The following RBM6 variants were observed in gnomAD, a reference collection of about 807,000 sequenced individuals.
RBM6 encodes RNA binding motif protein 6, also known as RNA-binding protein 6.
A neutral mutation model predicts 140.4 loss-of-function variants in RBM6; 23 were observed. The observed-to-expected ratio is 0.16, with a 90% CI of 0.12 to 0.23. The LOEUF (loss-of-function observed/expected upper bound fraction) is 0.23. Among genes scored for constraint, RBM6 ranks in the 10% least tolerant of loss-of-function variants. The pLI, the probability that RBM6 is intolerant of heterozygous loss-of-function variation, is 1.00. For synonymous variants in RBM6, 439 were observed against 475.6 expected (o/e 0.92, Z 1.00); for missense variants, 1,139 against 1,386.7 (o/e 0.82, Z 2.84).
At chr3:49,941,657 A>G (rs2083286779) in intron 1 of RBM6, among the ~76,000 whole-genome samples, 1 of 150,394 alleles carries the variant, frequency 6.6e-6, no homozygotes, top group Non-Finnish European at 1.5e-5. Flanking sequence ...AAAAAAAAAA[A>G]AAAAAAAAAA....
intron 6 of RBM6, among the ~76,000 whole-genome samples, chr3:50,034,397 C>T (rs932401148): frequency 2.0e-5 from 3 of 152,198 alleles, no homozygotes; most frequent in Non-Finnish European, 2.9e-5. Context: ...TTCTCACTCT[C>T]TTTTTGTCTC....
At chr3:50,020,058 AC>A (rs1372980862) in intron 6 of RBM6, among the ~76,000 whole-genome samples, 2 of 152,026 alleles carry the variant, frequency 1.3e-5, no homozygotes, top group African/African-American at 2.4e-5. Flanking sequence ...AGCTAGGACT[AC>A]AGGCACATAC....
intron 20 of RBM6, among the ~76,000 whole-genome samples, chr3:50,076,237 G>A (rs1371302800): frequency 6.6e-6 from 1 of 151,204 alleles, no homozygotes; most frequent in Non-Finnish European, 1.5e-5. Flanking sequence ...CCAAAGTGTT[G>A]GGATTACAGG....
At position 50,033,229 on chromosome 3, in the gene RBM6, A is replaced by G. The variant is rs976454542; in HGVS notation, c.1558-15016A>G. Reference sequence around the variant, plus strand: ...GGAGAAGTGCTTGAACCCGGGAGGCAGAGGTTGCAGTGAGCCAAGACTGTG... The same window carrying G: ...GGAGAAGTGCTTGAACCCGGGAGGCGGAGGTTGCAGTGAGCCAAGACTGTG... On this transcript the variant is annotated intron_variant, in intron 6 of 20. Coordinates refer to ENST00000266022, the MANE Select transcript of RBM6 (RefSeq NM_005777.3). Among the ~76,000 whole-genome samples, 10 of 152,054 alleles carry G rather than the reference A, an allele frequency of 6.6e-5. 1 individual carries two copies. Among genetic ancestry groups the G allele is most frequent in the Non-Finnish European group, 1.5e-4 (10 of 67,998 alleles).
chr3:50,048,425 C>T (rs1165033185), intron 7 of RBM6, 106 bp downstream of exon 7: 2 of 1,505,226 alleles, frequency 1.3e-6, no homozygotes, highest in Non-Finnish European at 1.8e-6. Context: ...GGACAAAGCT[C>T]TTCTTCCTCA....
At chr3:50,023,407 G>A (rs1313571828) in intron 6 of RBM6, among the ~76,000 whole-genome samples, 1 of 152,040 alleles carries the variant, frequency 6.6e-6, no homozygotes, top group African/African-American at 2.4e-5. Flanking sequence ...CTGGGTTCAA[G>A]CTATTCTCCT....
In RBM6 at chr3:49,967,528, C is replaced by G; in HGVS notation, c.103C>G (p.Leu35Val). ...GAACAGGGATTATCCTCCTCCTCCCCTTAAGAGTCATGCTCAAGAGAGACA... is the reference window on the plus strand; with the variant it reads ...GAACAGGGATTATCCTCCTCCTCCCGTTAAGAGTCATGCTCAAGAGAGACA... ...GWNRDYPPPP[L>V]KSHAQERHSG... is the part of the protein sequence containing the mutation. The change falls in exon 3 of 21, where the codon CTT (leucine) becomes GTT (valine). Residue 35 changes from leucine (L) to valine (V), a missense_variant. By Grantham distance (32) the Leu-to-Val change is conservative. Coordinates refer to ENST00000266022, the MANE Select transcript of RBM6 (RefSeq NM_005777.3). The surrounding 1 kb of genome is among the most constrained non-coding windows in gnomAD (Gnocchi z 4.0). 6.2e-7 allele frequency: 1 copy of G among 1,614,140 alleles called. No homozygotes were observed. The highest frequency in any genetic ancestry group is 8.5e-7 in the Non-Finnish European group (1 of 1,180,026).
chr3:50,005,191 T>C (rs2086517098), intron 6 of RBM6, among the ~76,000 whole-genome samples: 1 of 152,074 alleles, frequency 6.6e-6, no homozygotes, highest in African/African-American at 2.4e-5. Flanking sequence ...TCTGTCCTTG[T>C]GATTAAAATT....
rs764046708 is a variant in RBM6 at position 49,978,095 on chromosome 3, G to A, written c.1483+2703G>A. Among the ~76,000 whole-genome samples the A allele has an allele frequency of 6.6e-5, 10 of 152,052 alleles. No homozygotes were observed. The South Asian group carries it at 1.0e-3, about 16-fold the overall frequency. On this transcript the variant is annotated intron_variant, in intron 5 of 20. Coordinates refer to ENST00000266022, the MANE Select transcript of RBM6 (RefSeq NM_005777.3). ...AGCTTACTGTAACCTCAAACCCCTC[G>A]GCTCAAGTGATCCTTCTGTCTCAAC...
rs2108632352 is a variant in RBM6 at position 49,967,845 on chromosome 3, T to C, written c.420T>C (p.Gly140=). Reference sequence around the variant, plus strand: ...CTATGGACTATAGGGGTGGAGATGGTACTTCTATGGATTATAGAGGTAGGG... The same window carrying C: ...CTATGGACTATAGGGGTGGAGATGGCACTTCTATGGATTATAGAGGTAGGG... ...GPPMDYRGGD[G]TSMDYRGREA... The change falls in exon 3 of 21, where the codon GGT becomes GGC. Residue 140 remains glycine, a synonymous_variant. Transcript: ENST00000266022. This position sits in a 1 kb window ranked among gnomAD's most constrained non-coding sequence, Gnocchi z 4.0. 6.2e-7 allele frequency: 1 copy of C among 1,614,108 alleles called. No homozygotes were observed. The highest frequency in any genetic ancestry group is 1.1e-5 in the South Asian group (1 of 91,080).
intron 7 of RBM6, among the ~76,000 whole-genome samples, chr3:50,051,351 A>T (rs902233492): frequency 2.0e-5 from 3 of 151,874 alleles, no homozygotes; most frequent in African/African-American, 2.4e-5. Context: ...TTGTCTCAAA[A>T]TTTTTTTTAG....
chr3:50,066,680 T>C (rs1294992877), intron 17 of RBM6, among the ~76,000 whole-genome samples, 178 bp downstream of exon 17: 1 of 151,738 alleles, frequency 6.6e-6, no homozygotes, highest in Non-Finnish European at 1.5e-5. Context: ...TACAAAAAAT[T>C]AGCCAGGTGT....
intron 7 of RBM6, 77 bp downstream of exon 7, chr3:50,048,396 T>C: frequency 1.3e-6 from 2 of 1,550,566 alleles, no homozygotes; most frequent in South Asian, 2.4e-5. Flanking sequence ...GAAGGCTGCC[T>C]GCTAACATGC....
chr3:49,959,719 C>T (rs1342137764), intron 1 of RBM6, among the ~76,000 whole-genome samples: 3 of 151,308 alleles, frequency 2.0e-5, no homozygotes, highest in East Asian at 1.9e-4. Flanking sequence ...TACAGGTGCC[C>T]GCCACTACGC....
At chr3:50,004,921 G>A (rs1180032085) in intron 6 of RBM6, among the ~76,000 whole-genome samples, 1 of 152,104 alleles carries the variant, frequency 6.6e-6, no homozygotes, top group Non-Finnish European at 1.5e-5. Flanking sequence ...GAGCCACTGC[G>A]CCCAGCCTTA....
At position 50,057,720 on chromosome 3, in the gene RBM6, T is replaced by C. The variant is rs777731359; in HGVS notation, c.1694-8T>C. ...TTCTAGAGATTCTCTTTGTTTCTGTTCCACTAGTGACAGAGGCCAAGCAAG... is the reference window on the plus strand; with the variant it reads ...TTCTAGAGATTCTCTTTGTTTCTGTCCCACTAGTGACAGAGGCCAAGCAAG... On this transcript the variant is annotated splice_region_variant and splice_polypyrimidine_tract_variant and intron_variant, in intron 8 of 20. Coordinates refer to ENST00000266022, the MANE Select transcript of RBM6 (RefSeq NM_005777.3). 36 of 1,607,808 alleles carry C rather than the reference T, an allele frequency of 2.2e-5. No homozygotes were observed. In the South Asian group the frequency reaches 4.0e-4, roughly 18 times the overall value.
At chr3:49,959,190 T>C (rs2084160637) in intron 1 of RBM6, among the ~76,000 whole-genome samples, 1 of 140,602 alleles carries the variant, frequency 7.1e-6, no homozygotes, top group Admixed American at 7.2e-5. Context: ...TTTTTTTCCT[T>C]TTTTTTTTTT....
intron 6 of RBM6, among the ~76,000 whole-genome samples, chr3:50,041,894 G>T (rs2088940512): frequency 6.6e-6 from 1 of 152,070 alleles, no homozygotes; most frequent in African/African-American, 2.4e-5. Context: ...CTTTGATGTG[G>T]GAAGTGTCAT....
At chr3:50,026,120 C>T (rs2087803522) in intron 6 of RBM6, among the ~76,000 whole-genome samples, 1 of 151,604 alleles carries the variant, frequency 6.6e-6, no homozygotes, top group South Asian at 2.1e-4. Flanking sequence ...GGAATCTCGC[C>T]GTCTTCCAGG....
Sources: allele counts gnomAD v4.1 joint callset (sites outside exome capture counted in the v4.1 genomes callset), GRCh38; gene constraint gnomAD v4.1.1; non-coding constraint Gnocchi (gnomAD v3.1); transcripts MANE v1.5; gene names NCBI Gene and HGNC (gene_info 2026-07-23, HGNC 2026-07-21).